SMOC2: variants seen among roughly 807,000 people sequenced by gnomAD.
SMOC2 encodes SPARC related modular calcium binding 2.
A neutral mutation model predicts 61.4 loss-of-function variants in SMOC2; 39 were observed. That is an observed-to-expected ratio of 0.64 (90% CI 0.49 to 0.83). The LOEUF (loss-of-function observed/expected upper bound fraction) is 0.83. Among genes scored for constraint, SMOC2 ranks in the 40% least tolerant of loss-of-function variants. The pLI, the probability that SMOC2 is intolerant of heterozygous loss-of-function variation, is 0.00. For missense variants in SMOC2, 556 were observed against 592.9 expected (o/e 0.94, Z 0.65); for synonymous variants, 247 against 239.9 (o/e 1.03, Z -0.27).
intron 3 of SMOC2, among the ~76,000 whole-genome samples, chr6:168,527,300 C>T (rs1391786464): frequency 6.6e-6 from 1 of 152,138 alleles, no homozygotes; most frequent in Non-Finnish European, 1.5e-5. Flanking sequence ...GAGCTCCTGA[C>T]CTTCCCGGGC....
intron 1 of SMOC2, among the ~76,000 whole-genome samples, chr6:168,499,264 C>T (rs1782669666): frequency 6.6e-6 from 1 of 152,238 alleles, no homozygotes; most frequent in South Asian, 2.1e-4. Context: ...CTGAGAGCCA[C>T]TGCGATTCCA....
intron 2 of SMOC2, among the ~76,000 whole-genome samples, chr6:168,516,019 C>T (rs2115059001): frequency 6.6e-6 from 1 of 152,298 alleles, no homozygotes; most frequent in Middle Eastern, 3.4e-3. Context: ...GTCGCCTCGG[C>T]ACATATGAGG....
chr6:168,567,001 C>T (rs963495033), intron 7 of SMOC2, among the ~76,000 whole-genome samples: 13 of 152,324 alleles, frequency 8.5e-5, no homozygotes, highest in Admixed American at 3.3e-4. Flanking sequence ...AGCATTCTCT[C>T]TAACCTCGCA....
At chr6:168,624,669 C>T (rs1786345354) in intron 9 of SMOC2, among the ~76,000 whole-genome samples, 1 of 151,926 alleles carries the variant, frequency 6.6e-6, no homozygotes, top group Non-Finnish European at 1.5e-5. Context: ...GACGCACACA[C>T]ACACTGACAT....
chr6:168,517,767 C>T (rs1411284600), intron 2 of SMOC2, among the ~76,000 whole-genome samples: 2 of 152,116 alleles, frequency 1.3e-5, no homozygotes, highest in East Asian at 3.9e-4. Flanking sequence ...CAGACTCTGA[C>T]GGGTGAGGCG....
In SMOC2 at chr6:168,452,141, C is replaced by T. The variant is rs1274923014; in HGVS notation, c.84+10687C>T. 6.6e-6 allele frequency among the ~76,000 whole-genome samples: 1 copy of T among 152,232 alleles called. No homozygotes were observed. The highest frequency in any genetic ancestry group is 1.9e-4 in the East Asian group (1 of 5,198). ...TTGCCTGCAAAAATACCCCACGGGC[C>T]TGCTGCCCCAAGTGAGTTCAACTTT... is the stretch of plus-strand genomic sequence containing the variant. On this transcript the variant is annotated intron_variant, in intron 1 of 12. Transcript: ENST00000356284. This position sits in a 1 kb window ranked among gnomAD's most constrained non-coding sequence, Gnocchi z 5.0.
At chr6:168,635,454 T>C (rs1212079864) in intron 9 of SMOC2, among the ~76,000 whole-genome samples, 1 of 151,894 alleles carries the variant, frequency 6.6e-6, no homozygotes, top group Admixed American at 6.6e-5. Context: ...CCTGCCAGCA[T>C]TTTTATTTCA....
chr6:168,640,463 C>A (rs370018770), intron 9 of SMOC2, among the ~76,000 whole-genome samples: 2 of 152,176 alleles, frequency 1.3e-5, no homozygotes, highest in African/African-American at 2.4e-5. Flanking sequence ...ACTAGACTAA[C>A]CCCTCTGCAG....
intron 11 of SMOC2, among the ~76,000 whole-genome samples, chr6:168,661,337 C>T (rs1053651448): frequency 6.6e-6 from 1 of 152,070 alleles, no homozygotes; most frequent in Non-Finnish European, 1.5e-5. Flanking sequence ...ATCAGCCGGG[C>T]GTGGTAGCTC....
chr6:168,524,958 C>G (rs565554878), intron 2 of SMOC2, among the ~76,000 whole-genome samples: 3 of 152,242 alleles, frequency 2.0e-5, no homozygotes, highest in Non-Finnish European at 4.4e-5. Context: ...GTAATCGGAT[C>G]GCATTTTGCC....
chr6:168,534,165 T>C (rs1288392691), intron 4 of SMOC2, among the ~76,000 whole-genome samples: 1 of 152,236 alleles, frequency 6.6e-6, no homozygotes, highest in Non-Finnish European at 1.5e-5. Context: ...AAATTTACTC[T>C]GTAACACGTA....
chr6:168,546,507 C>T (rs1407968167), intron 5 of SMOC2, among the ~76,000 whole-genome samples: 3 of 152,158 alleles, frequency 2.0e-5, no homozygotes, highest in Non-Finnish European at 4.4e-5. Context: ...TGTGACACCC[C>T]AGTCCGCCCT....
intron 11 of SMOC2, chr6:168,655,637 C>T (rs1032339317): frequency 5.4e-5 from 18 of 331,972 alleles, no homozygotes; most frequent in South Asian, 1.4e-4. Flanking sequence ...TCCCCTCACA[C>T]GTGTGTGCTA....
chr6:168,607,087 C>T lies in SMOC2; in HGVS notation c.825-1070C>T, dbSNP rs533873565. 2.6e-4 allele frequency among the ~76,000 whole-genome samples: 39 copies of T among 152,146 alleles called. No homozygotes were observed. The East Asian group carries it at 6.8e-3, about 27-fold the overall frequency. On this transcript the variant is annotated intron_variant, in intron 8 of 12. Transcript: ENST00000356284. Reference sequence around the variant, plus strand: ...CCAGGAATCTCCCATCTCCCGGGAACGCACCTCCCCGGCGTCTCCTTCATG... The same window carrying T: ...CCAGGAATCTCCCATCTCCCGGGAATGCACCTCCCCGGCGTCTCCTTCATG...
chr6:168,507,004 G>A (rs1297999694), intron 1 of SMOC2, among the ~76,000 whole-genome samples: 1 of 152,186 alleles, frequency 6.6e-6, no homozygotes, highest in African/African-American at 2.4e-5. Flanking sequence ...GGAGAAACAT[G>A]TCCATAACCT....
At chr6:168,625,659 G>A (rs545848070) in intron 9 of SMOC2, among the ~76,000 whole-genome samples, 8 of 152,246 alleles carry the variant, frequency 5.3e-5, no homozygotes, top group South Asian at 2.1e-4. Flanking sequence ...TTTTCTTTAC[G>A]ATTCTTCGAG....
At chr6:168,575,415 A>G (rs1467637691) in intron 7 of SMOC2, among the ~76,000 whole-genome samples, 1 of 152,186 alleles carries the variant, frequency 6.6e-6, no homozygotes. Flanking sequence ...AGATAAATGC[A>G]TAGATAGCGC....
chr6:168,552,089 G>T (rs1003658321), intron 7 of SMOC2, among the ~76,000 whole-genome samples: 10 of 152,180 alleles, frequency 6.6e-5, no homozygotes, highest in African/African-American at 2.4e-4. Context: ...GAAGCTACTG[G>T]ACTATGTTTG....
chr6:168,610,640 A>C (rs1188703265), intron 9 of SMOC2, among the ~76,000 whole-genome samples: 1 of 152,224 alleles, frequency 6.6e-6, no homozygotes, highest in African/African-American at 2.4e-5. Flanking sequence ...TAATATTTTC[A>C]CACAAAATTC....
Sources: gnomAD v4.1 joint callset for allele counts (sites outside exome capture counted in the v4.1 genomes callset) on GRCh38, gnomAD v4.1.1 for gene constraint, Gnocchi (gnomAD v3.1) non-coding constraint, MANE v1.5 for transcripts, NCBI Gene and HGNC (gene_info 2026-07-23, HGNC 2026-07-21) for gene names.